The following MCOLN2 variants were observed in gnomAD, a reference collection of about 807,000 sequenced individuals.
MCOLN2 encodes the protein mucolipin-2.
Under a neutral mutation model 67.5 loss-of-function variants are expected in MCOLN2, and 57 were observed. That is an observed-to-expected ratio of 0.84 (90% CI 0.68 to 1.05). The LOEUF (loss-of-function observed/expected upper bound fraction) is 1.05. Ranked by LOEUF, MCOLN2 falls within the 50% of genes least tolerant of loss-of-function variation. The pLI, the probability that MCOLN2 is intolerant of heterozygous loss-of-function variation, is 0.00. For synonymous variants in MCOLN2, 246 were observed against 233.3 expected, an observed-to-expected ratio of 1.05 and a Z score of -0.50; for missense variants, 620 against 678.8, an observed-to-expected ratio of 0.91 and a Z score of 0.96.
intron 12 of MCOLN2, 124 bp downstream of exon 12, chr1:84,931,238 A>C: frequency 3.0e-6 from 2 of 674,336 alleles, no homozygotes; most frequent in Non-Finnish European, 5.2e-6. Flanking sequence ...GCGTCTAAAA[A>C]GTTTGTCCAC....
intron 11 of MCOLN2, among the ~76,000 whole-genome samples, chr1:84,933,487 A>G (rs997163242): frequency 4.6e-5 from 7 of 152,232 alleles, no homozygotes; most frequent in Admixed American, 2.6e-4. Context: ...ATCACTTAAC[A>G]ATATGTAGAT....
Position 84,926,612 on chromosome 1 carries a change from C to T in MCOLN2, c.*73G>A. On this transcript the variant is annotated 3_prime_UTR_variant, in exon 14 of 14. Coordinates refer to ENST00000370608, the MANE Select transcript of MCOLN2 (RefSeq NM_153259.4). ...AGAGAGTCATTTTGGAACTGCTTGT[C>T]CAAGTCATTTGGGGTTCCTCTGCTC... 8.6e-7 allele frequency: 1 copy of T among 1,164,958 alleles called. No homozygotes were observed. Among genetic ancestry groups the T allele is most frequent in the Non-Finnish European group, 1.2e-6 (1 of 822,688 alleles). 72.2% of individuals were successfully genotyped at this position (1,164,958 alleles called of 1,614,324 possible). A position where few individuals can be genotyped will look rare whatever the true frequency, so the allele number is the denominator to read the frequency against.
Position 84,978,375 on chromosome 1 carries a change from A to G in MCOLN2, c.78-12667T>C, listed in dbSNP as rs112690805. 7.9e-3 allele frequency among the ~76,000 whole-genome samples: 1,192 copies of G among 151,682 alleles called. 8 individuals are homozygous for G. The highest frequency in any genetic ancestry group is 0.013 in the Non-Finnish European group (882 of 67,914). On this transcript the variant is annotated intron_variant, in intron 1 of 13. Transcript: ENST00000370608. ...AAACCCAAAATTAGTAGAAACATAA[A>G]TAAAGATCAGAGCAGAAATAAATGA... is the stretch of plus-strand genomic sequence containing the variant.
At chr1:84,932,387 T>A (rs180956621) in intron 11 of MCOLN2, among the ~76,000 whole-genome samples, 77 of 152,032 alleles carry the variant, frequency 5.1e-4, no homozygotes, top group African/African-American at 1.8e-3. Context: ...AATTTTTGTA[T>A]TTTTTTGTAG....
In MCOLN2 at chr1:84,941,100, G is replaced by C. The variant is rs541611769; in HGVS notation, c.848-109C>G. On this transcript the variant is annotated intron_variant, in intron 7 of 13. Coordinates refer to ENST00000370608, the MANE Select transcript of MCOLN2 (RefSeq NM_153259.4). ...TCAAACAATAAATGTTTTGTCTATTGTTAAAACAAAATGGTAAATATCAGA... is the reference window on the plus strand; with the variant it reads ...TCAAACAATAAATGTTTTGTCTATTCTTAAAACAAAATGGTAAATATCAGA... The C allele has an allele frequency of 1.2e-3, 859 of 687,824 alleles. 1 individual carries two copies. The highest frequency in any genetic ancestry group is 1.9e-3 in the Non-Finnish European group (754 of 407,216). 42.6% of individuals were successfully genotyped at this position (687,824 alleles called of 1,614,324 possible).
In MCOLN2 at chr1:84,997,091, G is replaced by A. The variant is rs1477891260; in HGVS notation, c.-219C>T. On this transcript the variant is annotated 5_prime_UTR_variant, in exon 1 of 14. Coordinates refer to ENST00000370608, the MANE Select transcript of MCOLN2 (RefSeq NM_153259.4). ...GTGGAGTGCGGCGGGCAGTTCTCGGGCGGCTGAAAGGCGGCTCTGTGTGCA... is the reference window on the plus strand; with the variant it reads ...GTGGAGTGCGGCGGGCAGTTCTCGGACGGCTGAAAGGCGGCTCTGTGTGCA... 5.2e-6 allele frequency: 3 copies of A among 574,212 alleles called. No homozygotes were observed. Among genetic ancestry groups the A allele is most frequent in the East Asian group, 3.0e-5 (1 of 33,648 alleles). The allele number at this position is 574,212 out of a possible 1,614,324, so 35.6% of individuals were successfully genotyped here.
chr1:84,955,567 T>A (rs1173176462), intron 4 of MCOLN2, among the ~76,000 whole-genome samples: 10 of 152,058 alleles, frequency 6.6e-5, no homozygotes, highest in Non-Finnish European at 1.3e-4. Context: ...TAAGGACTTG[T>A]GGATTTTATT....
Position 84,926,439 on chromosome 1 carries a change from T to A in MCOLN2, c.*246A>T. 1 of 357,628 alleles carries A rather than the reference T, an allele frequency of 2.8e-6. No individual in the cohort carries two copies. The highest frequency in any genetic ancestry group is 5.0e-6 in the Non-Finnish European group (1 of 199,612). The allele number at this position is 357,628 out of a possible 1,614,324, so 22.2% of individuals were successfully genotyped here. On this transcript the variant is annotated 3_prime_UTR_variant, in exon 14 of 14. Transcript: ENST00000370608. Reference sequence around the variant, plus strand: ...CATAAATTAACAGACTAATAGAGAATTTTATTATCGCTGTTATATTGCACT... The same window carrying A: ...CATAAATTAACAGACTAATAGAGAAATTTATTATCGCTGTTATATTGCACT...
In MCOLN2 at chr1:84,996,879, T is replaced by G; in HGVS notation, c.-7A>C. 1.2e-6 allele frequency: 2 copies of G among 1,613,784 alleles called. No homozygotes were observed. The highest frequency in any genetic ancestry group is 2.2e-5 in the East Asian group (1 of 44,860). ...GATAAGGCTGCCGGGCCATGCCTCC[T>G]CCTTCAAAACTTTCCAGGGCTCTCG... On this transcript the variant is annotated 5_prime_UTR_variant, in exon 1 of 14. Transcript: ENST00000370608.
At chr1:84,938,281 T>C (rs1364260110) in intron 9 of MCOLN2, among the ~76,000 whole-genome samples, 199 bp from the exon 10 acceptor site, 1 of 152,216 alleles carries the variant, frequency 6.6e-6, no homozygotes, top group Non-Finnish European at 1.5e-5. Context: ...TTTTAGTATT[T>C]CAATTGGTTG....
At chr1:84,941,031 AC>A (rs1286446483) in intron 7 of MCOLN2, 40 bp from the exon 8 acceptor site, 2 of 1,299,016 alleles carry the variant, frequency 1.5e-6, no homozygotes, top group Non-Finnish European at 2.2e-6. Context: ...AACACACCTT[AC>A]CGGAGAATAA....
Position 84,965,468 on chromosome 1 carries a change from C to T in MCOLN2, c.237+81G>A, listed in dbSNP as rs1283294480. ...GAACTTGAGTGTGGGCTTTTCAGAA[C>T]AAAAGTCAAGTACAGAACACATGAA... On this transcript the variant is annotated intron_variant, in intron 2 of 13. Coordinates refer to ENST00000370608, the MANE Select transcript of MCOLN2 (RefSeq NM_153259.4). 2.7e-6 allele frequency: 4 copies of T among 1,463,608 alleles called. No individual in the cohort carries two copies. The African/African-American group carries it at 5.7e-5, about 21-fold the overall frequency. The allele number at this position is 1,463,608 out of a possible 1,614,324, so 90.7% of individuals were successfully genotyped here.
At chr1:84,934,302 T>C (rs980413122) in intron 11 of MCOLN2, among the ~76,000 whole-genome samples, 1 of 152,108 alleles carries the variant, frequency 6.6e-6, no homozygotes, top group African/African-American at 2.4e-5. Context: ...ATTTAATACG[T>C]ATTAAATGGG....
chr1:84,971,499 TACACACACACACACACACAC>T (rs71097870), intron 1 of MCOLN2, among the ~76,000 whole-genome samples: 8 of 132,184 alleles, frequency 6.1e-5, no homozygotes, highest in East Asian at 2.2e-4. Flanking sequence ...TAAACAGACA[TACACACACACACACACACAC>T]ACACACACAC....
intron 7 of MCOLN2, among the ~76,000 whole-genome samples, chr1:84,943,074 G>A (rs575319114): frequency 3.5e-4 from 54 of 152,298 alleles, no homozygotes; most frequent in African/African-American, 1.3e-3. Context: ...CCTGTGCTTA[G>A]TATAATGCTT....
In MCOLN2 at chr1:84,926,686, T is replaced by C; in HGVS notation, c.1700A>G (p.Ter567=). ...ACTTTAATCATCTTTAGCAGAACTT[T>C]AGCTAATAGGTATCAAGTGATCATC... is the stretch of plus-strand genomic sequence containing the variant. ...RSDDHLIPIS[*] is the part of the protein sequence containing the mutation. The change falls in exon 14 of 14, where the codon TAA becomes TGA. Residue 567 remains the stop codon, a stop_retained_variant. Coordinates refer to ENST00000370608, the MANE Select transcript of MCOLN2 (RefSeq NM_153259.4). 6.3e-7 allele frequency: 1 copy of C among 1,592,622 alleles called. No individual in the cohort carries two copies. The highest frequency in any genetic ancestry group is 2.3e-5 in the East Asian group (1 of 44,282).
intron 1 of MCOLN2, among the ~76,000 whole-genome samples, chr1:84,982,099 G>A (rs1442202600): frequency 2.1e-5 from 3 of 143,020 alleles, no homozygotes; most frequent in Admixed American, 7.0e-5. Flanking sequence ...AAAAAAAGAT[G>A]AAAAGTGTAT....
Position 84,956,538 on chromosome 1 carries a change from T to G in MCOLN2, c.458A>C (p.Glu153Ala). 2 of 1,611,194 alleles carry G rather than the reference T, an allele frequency of 1.2e-6. No homozygotes were observed. Among genetic ancestry groups the G allele is most frequent in the African/African-American group, 1.3e-5 (1 of 74,908 alleles). ...TAAGCCAATTCTATTGTCTTCATTT[T>G]CTCCATAACCAAGGGTCCCCAGGGT... ...DITLGTLGYG[E>A]NEDNRIGLKV... Residue 153 changes from glutamate to alanine, a missense_variant, in exon 4 of 14, where the codon GAA becomes GCA. Physicochemically the swap from Glu to Ala is moderately radical, Grantham distance 107. Transcript: ENST00000370608.
chr1:84,972,960 T>C (rs1649771310), intron 1 of MCOLN2, among the ~76,000 whole-genome samples: 1 of 152,194 alleles, frequency 6.6e-6, no homozygotes, highest in East Asian at 1.9e-4. Flanking sequence ...GTGATCCCCC[T>C]ACTTGACAAG....
Sources: gnomAD v4.1 joint callset for allele counts (sites outside exome capture counted in the v4.1 genomes callset) on GRCh38, gnomAD v4.1.1 for gene constraint, MANE v1.5 for transcripts, NCBI Gene and HGNC (gene_info 2026-07-23, HGNC 2026-07-21) for gene names.